Variants in TGM7 observed in about 807,000 individuals in gnomAD.
The protein encoded by TGM7 is transglutaminase 7.
TGM7 carries 74 observed loss-of-function variants against 79.5 expected under a neutral mutation model. That is an observed-to-expected ratio of 0.93 (90% CI 0.77 to 1.13). The LOEUF (loss-of-function observed/expected upper bound fraction) is 1.13. Ranked by LOEUF, TGM7 falls within the 50% of genes most tolerant of loss-of-function variation. TGM7 has a pLI of 0.00. For synonymous variants in TGM7, 354 were observed against 362.5 expected (o/e 0.98, Z 0.27); for missense variants, 912 against 905.9 (o/e 1.01, Z -0.09).
chr15:43,281,173 G>A (rs748700048), intron 9 of TGM7, among the ~76,000 whole-genome samples: 2 of 152,228 alleles, frequency 1.3e-5, no homozygotes, highest in Non-Finnish European at 2.9e-5. Context: ...CTCAACAGCC[G>A]TCCGAGGGAC....
At chr15:43,296,318 A>G (rs1385071052) in intron 1 of TGM7, among the ~76,000 whole-genome samples, 2 of 151,620 alleles carry the variant, frequency 1.3e-5, no homozygotes, top group Non-Finnish European at 2.9e-5. Flanking sequence ...TCAGCTACTC[A>G]GGAGGCTGAG....
chr15:43,290,689 A>G (rs1408153195), intron 4 of TGM7, among the ~76,000 whole-genome samples: 4 of 152,116 alleles, frequency 2.6e-5, no homozygotes, highest in Non-Finnish European at 5.9e-5. Flanking sequence ...GATTCTTCCT[A>G]CCCATGAGCA....
intron 4 of TGM7, among the ~76,000 whole-genome samples, chr15:43,291,196 G>A (rs2042961958): frequency 6.6e-6 from 1 of 152,156 alleles, no homozygotes; most frequent in Admixed American, 6.5e-5. Context: ...TATTGGCTGT[G>A]GGTTTGTCAT....
intron 4 of TGM7, among the ~76,000 whole-genome samples, chr15:43,289,891 G>A (rs1479546128): frequency 2.0e-4 from 31 of 152,110 alleles, no homozygotes; most frequent in Admixed American, 5.2e-4. Context: ...CATGTCCTTC[G>A]CCCACTTTTT....
At chr15:43,288,613 G>C (rs2042948859) in intron 4 of TGM7, among the ~76,000 whole-genome samples, 1 of 151,966 alleles carries the variant, frequency 6.6e-6, no homozygotes, top group South Asian at 2.1e-4. Context: ...AGTGTTACTG[G>C]ATTAAATAAT....
chr15:43,287,287 C>A lies in TGM7; in HGVS notation c.858G>T (p.Met286Ile), dbSNP rs1351250659. The part of the protein sequence containing the change: ...YGQCWVFASV[M>I]CTVMRCLGVP... ...GAGTGATCTTTCGCTCACCGGTGCA[C>A]ATAACAGAGGCGAAGACCCAGCACT... The change falls in exon 6 of 13, where the codon ATG becomes ATT. Residue 286 changes from methionine to isoleucine, a missense_variant. Physicochemically the swap from Met to Ile is conservative, Grantham distance 10. Transcript: ENST00000452443. 6.2e-7 allele frequency: 1 copy of A among 1,613,066 alleles called. No homozygotes were observed. The highest frequency in any genetic ancestry group is 2.2e-5 in the East Asian group (1 of 44,868).
Position 43,284,830 on chromosome 15 carries a change from T to G in TGM7, c.988A>C (p.Lys330Gln). The change falls in exon 7 of 13, where the codon AAA (lysine) becomes CAA (glutamine). Residue 330 changes from lysine (K) to glutamine (Q), a missense_variant. Coordinates refer to ENST00000452443, the MANE Select transcript of TGM7 (RefSeq NM_052955.3). ...GCCTCTCACCATATTTTGTCTCGTTTCTGAGTTGACAGCATCTCGGCATTT... is the reference window on the plus strand; with the variant it reads ...GCCTCTCACCATATTTTGTCTCGTTGCTGAGTTGACAGCATCTCGGCATTT... ...DRNAEMLSTQ[K>Q]RDKIWNFHVW... The G allele has an allele frequency of 6.2e-7, 1 of 1,614,222 alleles. No homozygotes were observed. Among genetic ancestry groups the G allele is most frequent in the Non-Finnish European group, 8.5e-7 (1 of 1,180,042 alleles).
intron 1 of TGM7, among the ~76,000 whole-genome samples, chr15:43,298,582 G>A (rs1267487347): frequency 2.0e-5 from 3 of 152,026 alleles, no homozygotes; most frequent in Non-Finnish European, 4.4e-5. Context: ...TTGAAACCTT[G>A]TCTCTACTAA....
Position 43,287,587 on chromosome 15 carries a change from G to A in TGM7, c.641C>T (p.Ser214Phe), listed in dbSNP as rs772607731. Residue 214 changes from serine to phenylalanine, a missense_variant, in exon 5 of 13, where the codon TCC (serine) becomes TTC (phenylalanine). By Grantham distance (155) the Ser-to-Phe change is radical. Coordinates refer to ENST00000452443, the MANE Select transcript of TGM7 (RefSeq NM_052955.3). Reference sequence around the variant, plus strand: ...CACATACACCACGTCGTTCCGCTGGGAACAGTCTTTGGCCGGGTTCTTTAA... The same window carrying A: ...CACATACACCACGTCGTTCCGCTGGAAACAGTCTTTGGCCGGGTTCTTTAA... ...YHLKNPAKDC[S>F]QRNDVVYVCR... The A allele has an allele frequency of 4.3e-6, 7 of 1,614,184 alleles. No individual in the cohort carries two copies. Among genetic ancestry groups the A allele is most frequent in the Middle Eastern group, 1.6e-4 (1 of 6,062 alleles).
chr15:43,278,875 CT>C (rs1043915509), intron 11 of TGM7, among the ~76,000 whole-genome samples: 2 of 152,250 alleles, frequency 1.3e-5, no homozygotes, highest in African/African-American at 4.8e-5. Context: ...CTTAAAATGC[CT>C]TCACGGCCAT....
Position 43,292,887 on chromosome 15 carries a change from A to C in TGM7, c.261T>G (p.Asn87Lys). 1 of 1,613,988 alleles carries C rather than the reference A, an allele frequency of 6.2e-7. No homozygotes were observed. Among genetic ancestry groups the C allele is most frequent in the Non-Finnish European group, 8.5e-7 (1 of 1,179,998 alleles). ...TFFLTRVQPGNVWSASDFTID... is the reference protein window; with the variant it reads ...TFFLTRVQPGKVWSASDFTID... Reference sequence around the variant, plus strand: ...TGGTGAAATCAGAAGCGCTCCAGACATTCCCGGGCTGGACCCGGGTGAGGA... The same window carrying C: ...TGGTGAAATCAGAAGCGCTCCAGACCTTCCCGGGCTGGACCCGGGTGAGGA... The change falls in exon 3 of 13, where the codon AAT becomes AAG. Residue 87 changes from asparagine to lysine, a missense_variant. By Grantham distance (94) the Asn-to-Lys change is moderately conservative (BLOSUM62 0). Coordinates refer to ENST00000452443, the MANE Select transcript of TGM7 (RefSeq NM_052955.3).
At chr15:43,293,095 A>G in intron 2 of TGM7, 141 bp from the exon 3 acceptor site, 1 of 1,235,094 alleles carries the variant, frequency 8.1e-7, no homozygotes, top group Non-Finnish European at 1.1e-6. Context: ...GTCCTCAGGC[A>G]AACCATTTAA....
Position 43,293,037 on chromosome 15 carries a change from CCTT to C in TGM7, c.194-86_194-84del. 14 of 1,537,124 alleles carry C rather than the reference CCTT, an allele frequency of 9.1e-6. No homozygotes were observed. The South Asian group carries it at 1.7e-4, about 19-fold the overall frequency. On this transcript the variant is annotated intron_variant, in intron 2 of 12. Coordinates refer to ENST00000452443, the MANE Select transcript of TGM7 (RefSeq NM_052955.3). ...TCCAGGGGAGTCGGAAGGACCGTCA[CCTT>C]CTCCCACCACCTGCTAATGCTTTTG... is the stretch of plus-strand genomic sequence containing the variant.
At chr15:43,287,131 G>A (rs1250552210) in intron 6 of TGM7, 149 bp downstream of exon 6, 15 of 834,844 alleles carry the variant, frequency 1.8e-5, no homozygotes, top group Admixed American at 7.9e-5. Flanking sequence ...AGGATCCCTC[G>A]AGACTGTATG....
rs1426911089 is a variant in TGM7, at chr15:43,281,919, C to T, written c.1276G>A (p.Gly426Arg). 1.9e-6 allele frequency: 3 copies of T among 1,614,210 alleles called. No homozygotes were observed. The highest frequency in any genetic ancestry group is 2.2e-5 in the East Asian group (1 of 44,886). Residue 426 changes from glycine to arginine, a missense_variant, in exon 9 of 13, where the codon GGG (glycine) becomes AGG (arginine). By Grantham distance (125) the Gly-to-Arg change is moderately radical. Transcript: ENST00000452443. ...EILAHNTSSIGKEISTKMVGS... is the reference protein window; with the variant it reads ...EILAHNTSSIRKEISTKMVGS... ...ACCATCTTAGTGCTGATCTCCTTCC[C>T]GATGGAACTGGTGTTGTGGGCCAGG... is the stretch of plus-strand genomic sequence containing the variant.
chr15:43,278,154 T>G (rs1205453194), intron 11 of TGM7, among the ~76,000 whole-genome samples: 2 of 152,180 alleles, frequency 1.3e-5, no homozygotes, highest in East Asian at 1.9e-4. Flanking sequence ...AGCTGCCCAG[T>G]TCTCTATTGG....
chr15:43,292,721 G>T lies in TGM7; in HGVS notation c.427C>A (p.Pro143Thr), dbSNP rs1000603027. The T allele has an allele frequency of 3.7e-6, 6 of 1,613,952 alleles. No homozygotes were observed. The African/African-American group carries it at 6.7e-5, about 18-fold the overall frequency. The change falls in exon 3 of 13, where the codon CCT (proline) becomes ACT (threonine). Residue 143 changes from proline to threonine, a missense_variant. By Grantham distance (38) the Pro-to-Thr change is conservative (BLOSUM62 -1). Coordinates refer to ENST00000452443, the MANE Select transcript of TGM7 (RefSeq NM_052955.3). ...PLGTFILLFN[P>T]WSPEDDVYLP... ...GGGCACATCCTACCTGGACTCCAAG[G>T]GTTAAAAAGTAGGATGAAAGTTCCC...
In TGM7 at chr15:43,290,440, C is replaced by A. The variant is rs1318965622; in HGVS notation, c.558+1539G>T. ...TTGATCTATATCTCTGTTTTGGTAC[C>A]AGTACCATGCTGTTTTGGTTACTGT... is the stretch of plus-strand genomic sequence containing the variant. On this transcript the variant is annotated intron_variant, in intron 4 of 12. Coordinates refer to ENST00000452443, the MANE Select transcript of TGM7 (RefSeq NM_052955.3). Among the ~76,000 whole-genome samples, 37 of 152,254 alleles carry A rather than the reference C, an allele frequency of 2.4e-4. No individual in the cohort carries two copies. The East Asian group carries it at 6.9e-3, about 29-fold the overall frequency.
Position 43,281,893 on chromosome 15 carries a change from C to T in TGM7, c.1302G>A (p.Val434=), listed in dbSNP as rs772550497. The T allele has an allele frequency of 6.2e-7, 1 of 1,614,196 alleles. No homozygotes were observed. The highest frequency in any genetic ancestry group is 8.5e-7 in the Non-Finnish European group (1 of 1,180,036). Residue 434 remains valine (V), a synonymous_variant, in exon 9 of 13, where the codon GTG becomes GTA. Coordinates refer to ENST00000452443, the MANE Select transcript of TGM7 (RefSeq NM_052955.3). ...SIGKEISTKM[V]GSDQRQSITS... Reference sequence around the variant, plus strand: ...TGATGCTCTGGCGCTGGTCTGACCCCACCATCTTAGTGCTGATCTCCTTCC... The same window carrying T: ...TGATGCTCTGGCGCTGGTCTGACCCTACCATCTTAGTGCTGATCTCCTTCC...
Sources: allele counts gnomAD v4.1 joint callset (sites outside exome capture counted in the v4.1 genomes callset), GRCh38; gene constraint gnomAD v4.1.1; transcripts MANE v1.5; gene names NCBI Gene and HGNC (gene_info 2026-07-23, HGNC 2026-07-21).